The following FAM200B variants were observed in gnomAD, a reference collection of about 807,000 sequenced individuals.
FAM200B encodes the protein zinc finger BED-type containing 11.
A neutral mutation model predicts 33.1 loss-of-function variants in FAM200B; 32 were observed. The ratio of observed to expected loss-of-function variants is 0.97; its 90% CI spans 0.73 to 1.30. The LOEUF (loss-of-function observed/expected upper bound fraction) is 1.30, where lower values mean the gene tolerates loss of function less well. Ranked by LOEUF, FAM200B falls within the 50% of genes most tolerant of loss-of-function variation. The pLI is 0.00. For missense variants in FAM200B, 741 were observed against 754.0 expected, an observed-to-expected ratio of 0.98 and a Z score of 0.20; for synonymous variants, 240 against 264.8, an observed-to-expected ratio of 0.91 and a Z score of 0.91.
rs149989618 is a variant in FAM200B, at chr4:15,685,910, G to A, written c.-742-326G>A. Among the ~76,000 whole-genome samples the A allele has an allele frequency of 6.6e-4, 100 of 152,204 alleles. 1 individual carries two copies. The highest frequency in any genetic ancestry group is 2.4e-3 in the African/African-American group (98 of 41,550). ...TACCAAGGCAGGCATGACCAAGATA[G>A]GTGCGGCCAAGCAAAAAGGAAGTAT... is the stretch of plus-strand genomic sequence containing the variant. On this transcript the variant is annotated intron_variant, in intron 1 of 1. Transcript: ENST00000422728.
At chr4:15,654,398 G>A in the FAM200B span, among the ~76,000 whole-genome samples, 1 of 152,168 alleles carries the variant, frequency 6.6e-6, no homozygotes, top group Non-Finnish European at 1.5e-5. Context: ...CCACAAAAGT[G>A]CCTCTTCAGC....
At chr4:15,651,171 T>C in the FAM200B span, among the ~76,000 whole-genome samples, 1 of 152,222 alleles carries the variant, frequency 6.6e-6, no homozygotes, top group Admixed American at 6.5e-5. Context: ...GAAGAAACCT[T>C]AGTAAGTAGC....
the FAM200B span, among the ~76,000 whole-genome samples, chr4:15,649,819 T>G: frequency 6.6e-6 from 1 of 152,110 alleles, no homozygotes; most frequent in East Asian, 1.9e-4. Flanking sequence ...AAAAAGTAGA[T>G]ATCAAAATCC....
At chr4:15,654,335 C>T in the FAM200B span, among the ~76,000 whole-genome samples, 2 of 152,180 alleles carry the variant, frequency 1.3e-5, no homozygotes, top group Non-Finnish European at 2.9e-5. Context: ...CTGACAAATA[C>T]GTGGAATGTT....
At chr4:15,648,888 C>T in the FAM200B span, among the ~76,000 whole-genome samples, 1 of 152,180 alleles carries the variant, frequency 6.6e-6, no homozygotes, top group South Asian at 2.1e-4. Flanking sequence ...AAAGGGTAAT[C>T]GTTTGTGGTG....
the FAM200B span, among the ~76,000 whole-genome samples, chr4:15,638,201 G>A: frequency 2.0e-5 from 3 of 152,284 alleles, no homozygotes; most frequent in South Asian, 6.2e-4. Flanking sequence ...TTGACTGATC[G>A]ATTTTGAGCA....
At chr4:15,651,298 C>T in the FAM200B span, among the ~76,000 whole-genome samples, 4 of 152,058 alleles carry the variant, frequency 2.6e-5, no homozygotes, top group East Asian at 7.7e-4. Context: ...CATGGGCTTC[C>T]GAAGGGGAAA....
chr4:15,649,896 CAACAA>C, the FAM200B span, among the ~76,000 whole-genome samples: 1 of 152,092 alleles, frequency 6.6e-6, no homozygotes, highest in Non-Finnish European at 1.5e-5. Flanking sequence ...AACTAGTGAA[CAACAA>C]AACCGAGACC....
intron 1 of FAM200B, among the ~76,000 whole-genome samples, chr4:15,683,319 C>T (rs1257100985): frequency 6.6e-6 from 1 of 152,132 alleles, no homozygotes; most frequent in African/African-American, 2.4e-5. Context: ...AAAAACTTCC[C>T]CATGCTTTCA....
chr4:15,663,021 A>G, the FAM200B span, among the ~76,000 whole-genome samples: 2 of 152,218 alleles, frequency 1.3e-5, no homozygotes, highest in Non-Finnish European at 2.9e-5. Flanking sequence ...AATATTTACC[A>G]AATGTAACTT....
chr4:15,661,927 G>A, the FAM200B span, among the ~76,000 whole-genome samples: 2 of 152,192 alleles, frequency 1.3e-5, no homozygotes, highest in Non-Finnish European at 2.9e-5. Flanking sequence ...TAGGCTGTTA[G>A]AATAAGGACC....
At chr4:15,682,611 C>A (rs12640192) in intron 1 of FAM200B, among the ~76,000 whole-genome samples, 1 of 152,116 alleles carries the variant, frequency 6.6e-6, no homozygotes, top group Non-Finnish European at 1.5e-5. Context: ...GTAACTCCAC[C>A]TTATTCATCT....
the FAM200B span, chr4:15,640,737 G>T: frequency 1.0e-6 from 1 of 996,994 alleles, no homozygotes; most frequent in Non-Finnish European, 1.5e-6. Context: ...AAGCAAAATA[G>T]TATTTTAAGA....
chr4:15,682,034 G>A (rs1476470022), intron 1 of FAM200B, 133 bp downstream of exon 1: 2 of 152,364 alleles, frequency 1.3e-5, no homozygotes, highest in Non-Finnish European at 2.9e-5. Flanking sequence ...GAGAGCAGAA[G>A]CAATCCGGGC....
At chr4:15,644,289 G>A in the FAM200B span, among the ~76,000 whole-genome samples, 3 of 152,086 alleles carry the variant, frequency 2.0e-5, no homozygotes, top group African/African-American at 4.8e-5. Context: ...TGTATTCACC[G>A]TCGGGACTGA....
the FAM200B span, among the ~76,000 whole-genome samples, chr4:15,640,422 C>G: frequency 8.6e-6 from 1 of 116,896 alleles, no homozygotes; most frequent in Non-Finnish European, 1.9e-5. Flanking sequence ...ATGAAAAAAT[C>G]TTTAAACATA....
upstream of FAM200B, chr4:15,681,756 C>T (rs755066326): frequency 6.5e-6 from 1 of 152,930 alleles, no homozygotes; most frequent in East Asian, 1.9e-4. Flanking sequence ...CGATCCAGTT[C>T]TTTTCGGCTG....
At chr4:15,644,484 G>C in the FAM200B span, 1 of 1,586,408 alleles carries the variant, frequency 6.3e-7, no homozygotes, top group South Asian at 1.1e-5. Context: ...ATCCATTTTT[G>C]CAACTTACCT....
chr4:15,668,412 T>C, the FAM200B span, among the ~76,000 whole-genome samples: 1 of 152,124 alleles, frequency 6.6e-6, no homozygotes, highest in East Asian at 1.9e-4. Flanking sequence ...GAGAAAAGTG[T>C]TGAGTTTTTA....
Sources: allele counts gnomAD v4.1 joint callset (sites outside exome capture counted in the v4.1 genomes callset), GRCh38; gene constraint gnomAD v4.1.1; transcripts MANE v1.5; gene names NCBI Gene and HGNC (gene_info 2026-07-23, HGNC 2026-07-21).